The following FOXK1 variants were observed in gnomAD, a reference collection of about 807,000 sequenced individuals.
FOXK1 encodes the protein forkhead box K1, also known as forkhead box protein K1.
Under a neutral mutation model 51.9 loss-of-function variants are expected in FOXK1, and 19 were observed. The observed-to-expected ratio is 0.37, with a 90% CI of 0.26 to 0.54. FOXK1 has a LOEUF of 0.54. Ranked by LOEUF, FOXK1 falls within the 20% of genes least tolerant of loss-of-function variation. The probability of loss-of-function intolerance (pLI) is 0.87; values close to 1 mark genes in which losing one functional copy is unlikely to be tolerated. For missense variants in FOXK1, 870 were observed against 1,032.7 expected (o/e 0.84, Z 2.16); for synonymous variants, 537 against 482.6 (o/e 1.11, Z -1.48).
rs1052644430 is a variant in FOXK1 at position 4,705,759 on chromosome 7, G to A, written c.560+22891G>A. 4.2e-5 allele frequency among the ~76,000 whole-genome samples: 6 copies of A among 144,150 alleles called. No individual in the cohort carries two copies. The East Asian group carries it at 1.2e-3, about 28-fold the overall frequency. 94.6% of individuals were successfully genotyped at this position (144,150 alleles called of 152,430 possible). ...TCACCACATTGGCCAGGATGGTCTC[G>A]ATCTCCCAACCTCGTGACCCCCCCC... On this transcript the variant is annotated intron_variant, in intron 1 of 8. Transcript: ENST00000328914.
At chr7:4,685,122 G>A (rs1197136827) in intron 1 of FOXK1, among the ~76,000 whole-genome samples, 1 of 151,268 alleles carries the variant, frequency 6.6e-6, no homozygotes, top group African/African-American at 2.4e-5. Context: ...CAATATCTAT[G>A]TAGGCAGCAA....
rs1349834022 is a variant in FOXK1, at chr7:4,755,396, C to A, written c.1050+13C>A. On this transcript the variant is annotated intron_variant, in intron 4 of 8. Transcript: ENST00000328914. The surrounding 1 kb of genome is among the most constrained non-coding windows in gnomAD (Gnocchi z 6.6). ...CAAAGGCTGGCAGGTGAAGCCGAGTCCCCAGGGCCGGATCGCCTCTGAAGG... is the reference window on the plus strand; with the variant it reads ...CAAAGGCTGGCAGGTGAAGCCGAGTACCCAGGGCCGGATCGCCTCTGAAGG... 6.2e-7 allele frequency: 1 copy of A among 1,612,842 alleles called. No individual in the cohort carries two copies. The highest frequency in any genetic ancestry group is 8.5e-7 in the Non-Finnish European group (1 of 1,179,612).
rs1780807584 is a variant in FOXK1, at chr7:4,753,716, G to C, written c.747-743G>C. 6.6e-6 allele frequency among the ~76,000 whole-genome samples: 1 copy of C among 152,214 alleles called. No homozygotes were observed. The highest frequency in any genetic ancestry group is 2.4e-5 in the African/African-American group (1 of 41,458). On this transcript the variant is annotated intron_variant, in intron 2 of 8. Coordinates refer to ENST00000328914, the MANE Select transcript of FOXK1 (RefSeq NM_001037165.2). This position sits in a 1 kb window ranked among gnomAD's most constrained non-coding sequence, Gnocchi z 4.9. ...GGTTTGCTGACGGAAGCCTGCCTTA[G>C]TGAGTTAGGGAAGCAGGCCAGAGCA... is the stretch of plus-strand genomic sequence containing the variant.
At position 4,703,647 on chromosome 7, in the gene FOXK1, A is replaced by G. The variant is rs932607063; in HGVS notation, c.560+20779A>G. 6.6e-6 allele frequency among the ~76,000 whole-genome samples: 1 copy of G among 152,226 alleles called. No individual in the cohort carries two copies. Among genetic ancestry groups the G allele is most frequent in the Non-Finnish European group, 1.5e-5 (1 of 68,042 alleles). ...GGCAAAACTAAAAGCTTGAATATTA[A>G]AACCAAATGATCCCGGGTAGAGCTG... is the stretch of plus-strand genomic sequence containing the variant. On this transcript the variant is annotated intron_variant, in intron 1 of 8. Transcript: ENST00000328914. The surrounding 1 kb of genome is among the most constrained non-coding windows in gnomAD (Gnocchi z 5.6).
rs945814343 is a variant in FOXK1 at position 4,722,462 on chromosome 7, G to A, written c.561-18376G>A. Among the ~76,000 whole-genome samples the A allele has an allele frequency of 6.6e-6, 1 of 152,222 alleles. No homozygotes were observed. The highest frequency in any genetic ancestry group is 2.4e-5 in the African/African-American group (1 of 41,464). On this transcript the variant is annotated intron_variant, in intron 1 of 8. Transcript: ENST00000328914. The surrounding 1 kb of genome is among the most constrained non-coding windows in gnomAD (Gnocchi z 5.1). ...CCCGTGGCCAAGTGGCAGCGGTGCC[G>A]GACATACACGGCAGGGCAGTGGGCT... is the stretch of plus-strand genomic sequence containing the variant.
chr7:4,750,227 C>T (rs889559775), intron 2 of FOXK1, among the ~76,000 whole-genome samples: 7 of 152,190 alleles, frequency 4.6e-5, no homozygotes, highest in Non-Finnish European at 7.3e-5. Context: ...CGTCTGTGGG[C>T]TGTCACTGTC....
rs1164564714 is a variant in FOXK1 at position 4,682,879 on chromosome 7, C to T, written c.560+11C>T. 1 of 1,454,840 alleles carries T rather than the reference C, an allele frequency of 6.9e-7. No homozygotes were observed. Among genetic ancestry groups the T allele is most frequent in the Non-Finnish European group, 9.1e-7 (1 of 1,102,156 alleles). 90.1% of individuals were successfully genotyped at this position (1,454,840 alleles called of 1,614,324 possible). ...GCAGCTGCCCAAGCAGTGAGTGGCC[C>T]CGCGACCCCCGCCGCCCGCACCCGG... is the stretch of plus-strand genomic sequence containing the variant. On this transcript the variant is annotated intron_variant, in intron 1 of 8. Transcript: ENST00000328914. This position sits in a 1 kb window ranked among gnomAD's most constrained non-coding sequence, Gnocchi z 7.6.
rs1260316773 is a variant in FOXK1, at chr7:4,749,388, A to T, written c.747-5071A>T. 6.6e-6 allele frequency among the ~76,000 whole-genome samples: 1 copy of T among 152,164 alleles called. No individual in the cohort carries two copies. Among genetic ancestry groups the T allele is most frequent in the East Asian group, 1.9e-4 (1 of 5,186 alleles). On this transcript the variant is annotated intron_variant, in intron 2 of 8. Coordinates refer to ENST00000328914, the MANE Select transcript of FOXK1 (RefSeq NM_001037165.2). This position sits in a 1 kb window ranked among gnomAD's most constrained non-coding sequence, Gnocchi z 6.0. ...CTGTTGTGTTTAACAGTGAGGTCCT[A>T]AAAACCCTCTTAGAGCGGCTGGTAT... is the stretch of plus-strand genomic sequence containing the variant.
chr7:4,733,599 G>A lies in FOXK1; in HGVS notation c.561-7239G>A, dbSNP rs1031299233. 3.3e-5 allele frequency among the ~76,000 whole-genome samples: 5 copies of A among 152,210 alleles called. No individual in the cohort carries two copies. The highest frequency in any genetic ancestry group is 1.2e-4 in the African/African-American group (5 of 41,456). On this transcript the variant is annotated intron_variant, in intron 1 of 8. Coordinates refer to ENST00000328914, the MANE Select transcript of FOXK1 (RefSeq NM_001037165.2). The surrounding 1 kb of genome is among the most constrained non-coding windows in gnomAD (Gnocchi z 5.0). ...AAACATGGTCTTCAGTTGGGTGGAC[G>A]TTTCTCTGTCTCCATGTTTGCTATA...
rs865779950 is a variant in FOXK1, at chr7:4,743,297, A to C, written c.746+2274A>C. 1.3e-5 allele frequency among the ~76,000 whole-genome samples: 2 copies of C among 152,238 alleles called. No homozygotes were observed. Among genetic ancestry groups the C allele is most frequent in the Non-Finnish European group, 2.9e-5 (2 of 68,034 alleles). Reference sequence around the variant, plus strand: ...GCCGGGCGCGGTGGCTCACACTGGTAATGCCAGCACTGTGGGAGGCCAAGG... The same window carrying C: ...GCCGGGCGCGGTGGCTCACACTGGTCATGCCAGCACTGTGGGAGGCCAAGG... On this transcript the variant is annotated intron_variant, in intron 2 of 8. Coordinates refer to ENST00000328914, the MANE Select transcript of FOXK1 (RefSeq NM_001037165.2). The surrounding 1 kb of genome is among the most constrained non-coding windows in gnomAD (Gnocchi z 5.3).
At chr7:4,695,714 A>T (rs1779942849) in intron 1 of FOXK1, among the ~76,000 whole-genome samples, 1 of 152,164 alleles carries the variant, frequency 6.6e-6, no homozygotes, top group African/African-American at 2.4e-5. Context: ...ATGTGGGAGG[A>T]TCACCTGAGG....
At chr7:4,688,082 A>AG (rs1779843243) in intron 1 of FOXK1, among the ~76,000 whole-genome samples, 1 of 152,162 alleles carries the variant, frequency 6.6e-6, no homozygotes, top group East Asian at 1.9e-4. Flanking sequence ...ACATAGACAT[A>AG]GAGTAACAAG....
At position 4,762,484 on chromosome 7, in the gene FOXK1, G is replaced by C; in HGVS notation, c.*20G>C. On this transcript the variant is annotated 3_prime_UTR_variant, in exon 9 of 9. Coordinates refer to ENST00000328914, the MANE Select transcript of FOXK1 (RefSeq NM_001037165.2). This position sits in a 1 kb window ranked among gnomAD's most constrained non-coding sequence, Gnocchi z 5.7. ...GAGTGAGGTCACCTGCAACGCGGGG[G>C]AGTGGGACTCACCCAGCGGCGACCC... 6.5e-7 allele frequency: 1 copy of C among 1,532,168 alleles called. No individual in the cohort carries two copies. The highest frequency in any genetic ancestry group is 2.0e-5 in the Admixed American group (1 of 50,284). 94.9% of individuals were successfully genotyped at this position (1,532,168 alleles called of 1,614,324 possible).
chr7:4,718,070 C>T (rs1280179096), intron 1 of FOXK1, among the ~76,000 whole-genome samples: 1 of 152,204 alleles, frequency 6.6e-6, no homozygotes, highest in African/African-American at 2.4e-5. Context: ...GCCCGTGTTC[C>T]CACCAGCTCC....
chr7:4,701,186 A>G (rs1780016713), intron 1 of FOXK1, among the ~76,000 whole-genome samples: 1 of 152,200 alleles, frequency 6.6e-6, no homozygotes, highest in South Asian at 2.1e-4. Context: ...GATCAGAGCT[A>G]AACAGCAGGG....
At chr7:4,721,555 A>C (rs548722718) in intron 1 of FOXK1, among the ~76,000 whole-genome samples, 1 of 151,950 alleles carries the variant, frequency 6.6e-6, no homozygotes, top group South Asian at 2.1e-4. Context: ...TGGCAGCCTA[A>C]GAAGGACTTT....
At position 4,768,331 on chromosome 7, in the gene FOXK1, A is replaced by G. The variant is rs1176201169; in HGVS notation, c.*5867A>G. ...GTATTTTTAGTAGAGACGGGGTTTC[A>G]CCGTGTTAGCCAGGATGGTCTCGAT... On this transcript the variant is annotated 3_prime_UTR_variant, in exon 9 of 9. Coordinates refer to ENST00000328914, the MANE Select transcript of FOXK1 (RefSeq NM_001037165.2). 3 of 139,380 alleles carry G rather than the reference A, an allele frequency of 2.2e-5. No individual in the cohort carries two copies. The highest frequency in any genetic ancestry group is 1.4e-4 in the Admixed American group (2 of 14,690). 8.6% of individuals were successfully genotyped at this position (139,380 alleles called of 1,614,324 possible). A position where few individuals can be genotyped will look rare whatever the true frequency, so the allele number is the denominator to read the frequency against.
intron 1 of FOXK1, among the ~76,000 whole-genome samples, chr7:4,689,825 G>A (rs1268282814): frequency 6.6e-6 from 1 of 152,134 alleles, no homozygotes; most frequent in East Asian, 1.9e-4. Context: ...TCTTCTCCTG[G>A]GGTTTTCCCA....
At chr7:4,685,397 G>A (rs192868683) in intron 1 of FOXK1, among the ~76,000 whole-genome samples, 1 of 151,860 alleles carries the variant, frequency 6.6e-6, no homozygotes, top group African/African-American at 2.4e-5. Flanking sequence ...TGTATTTTTA[G>A]TAGAGATGGG....
Sources: allele counts gnomAD v4.1 joint callset (sites outside exome capture counted in the v4.1 genomes callset), GRCh38; gene constraint gnomAD v4.1.1; non-coding constraint Gnocchi (gnomAD v3.1); transcripts MANE v1.5; gene names NCBI Gene and HGNC (gene_info 2026-07-23, HGNC 2026-07-21).